Variants in ARHGEF10L observed in about 807,000 individuals in gnomAD.
ARHGEF10L encodes rho guanine nucleotide exchange factor 10-like protein.
A neutral mutation model predicts 141.2 loss-of-function variants in ARHGEF10L; 69 were observed. The ratio of observed to expected loss-of-function variants is 0.49; its 90% confidence interval spans 0.40 to 0.60. The LOEUF is 0.60. ARHGEF10L is among the 20% of genes least tolerant of loss of function. The pLI is 0.00. For synonymous variants in ARHGEF10L, 711 were observed against 718.5 expected (o/e 0.99, Z 0.17); for missense variants, 1,482 against 1,734.3 (o/e 0.85, Z 2.58).
intron 1 of ARHGEF10L, among the ~76,000 whole-genome samples, chr1:17,575,249 A>C (rs2078174347): frequency 6.6e-6 from 1 of 152,188 alleles, no homozygotes; most frequent in Non-Finnish European, 1.5e-5. Flanking sequence ...TGCTCTTTGA[A>C]AACAGCCTGT....
intron 26 of ARHGEF10L, among the ~76,000 whole-genome samples, chr1:17,666,809 C>G (rs2063010118): frequency 6.8e-6 from 1 of 147,486 alleles, no homozygotes. Context: ...CACCCCACCC[C>G]CTCCCTTCCC....
At chr1:17,631,163 G>C (rs1345858959) in intron 15 of ARHGEF10L, among the ~76,000 whole-genome samples, 1 of 152,144 alleles carries the variant, frequency 6.6e-6, no homozygotes, top group Non-Finnish European at 1.5e-5. Flanking sequence ...GGCTCGGGGT[G>C]ATCTGTCCTT....
chr1:17,632,395 G>C lies in ARHGEF10L; in HGVS notation c.1659G>C (p.Gln553His), dbSNP rs1430794884. 1 of 1,614,090 alleles carries C rather than the reference G, an allele frequency of 6.2e-7. No homozygotes were observed. Among genetic ancestry groups the C allele is most frequent in the Non-Finnish European group, 8.5e-7 (1 of 1,180,054 alleles). ...AGACCGTGTACGGTGACCGCGGGCA[G>C]CTAATTAAGTCCAAGGAGCGTCGGG... ...LTETVYGDRGQLIKSKERRVF... is the reference protein window; with the variant it reads ...LTETVYGDRGHLIKSKERRVF... The change falls in exon 16 of 29, where the codon CAG becomes CAC. Residue 553 changes from glutamine (Q) to histidine (H), a missense_variant. Gln to His is a conservative substitution (Grantham distance 24). Coordinates refer to ENST00000361221, the MANE Select transcript of ARHGEF10L (RefSeq NM_018125.4).
At chr1:17,556,120 G>T (rs1343362183) in intron 1 of ARHGEF10L, among the ~76,000 whole-genome samples, 1 of 89,762 alleles carries the variant, frequency 1.1e-5, no homozygotes, top group East Asian at 4.4e-4. Flanking sequence ...CATGGGGGGG[G>T]CCTGGAAACA....
intron 4 of ARHGEF10L, among the ~76,000 whole-genome samples, chr1:17,596,530 G>A (rs1570741668): frequency 6.6e-6 from 1 of 152,226 alleles, no homozygotes; most frequent in Non-Finnish European, 1.5e-5. Context: ...TATTTGTTAT[G>A]CCTTGTCCTG....
At chr1:17,645,130 C>A (rs1321286449) in intron 21 of ARHGEF10L, among the ~76,000 whole-genome samples, 1 of 152,090 alleles carries the variant, frequency 6.6e-6, no homozygotes, top group Non-Finnish European at 1.5e-5. Context: ...GAGCTGGGTG[C>A]TAAATAAGCC....
chr1:17,564,540 C>T (rs373829032), intron 1 of ARHGEF10L, among the ~76,000 whole-genome samples: 3 of 152,280 alleles, frequency 2.0e-5, no homozygotes, highest in South Asian at 2.1e-4. Flanking sequence ...GTGGCTGGCT[C>T]GTGGCTGAGG....
rs990395392 is a variant in ARHGEF10L at position 17,627,615 on chromosome 1, G to A, written c.1584+112G>A. ...TAGGTGGCAGTGTTCTCTGAGGGAG[G>A]GGAGGCCTTGCTCTTCCAAGGATGT... On this transcript the variant is annotated intron_variant, in intron 15 of 28. Transcript: ENST00000361221. This position sits in a 1 kb window ranked among gnomAD's most constrained non-coding sequence, Gnocchi z 4.0. 6.0e-6 allele frequency: 8 copies of A among 1,334,342 alleles called. No individual in the cohort carries two copies. In the South Asian group the frequency reaches 1.0e-4, roughly 17 times the overall value. 82.7% of individuals were successfully genotyped at this position (1,334,342 alleles called of 1,614,324 possible). A position where few individuals can be genotyped will look rare whatever the true frequency, so the allele number is the denominator to read the frequency against.
At chr1:17,636,126 G>A (rs2060986376) in intron 18 of ARHGEF10L, among the ~76,000 whole-genome samples, 1 of 152,104 alleles carries the variant, frequency 6.6e-6, no homozygotes, top group East Asian at 1.9e-4. Context: ...CCTCCCCGCC[G>A]CTTGGGGCAC....
chr1:17,569,682 G>A (rs1403286531), intron 1 of ARHGEF10L, among the ~76,000 whole-genome samples: 1 of 152,162 alleles, frequency 6.6e-6, no homozygotes, highest in East Asian at 1.9e-4. Flanking sequence ...GGACACCGGT[G>A]CCCAGCCTTG....
intron 1 of ARHGEF10L, among the ~76,000 whole-genome samples, chr1:17,576,803 G>A (rs6702679): frequency 0.29 from 44,530 of 152,078 alleles, 8,404 homozygotes; most frequent in African/African-American, 0.53. Context: ...TGCTGCTGTG[G>A]CAAGTGGCAG....
intron 26 of ARHGEF10L, among the ~76,000 whole-genome samples, chr1:17,684,315 A>G (rs1029831551): frequency 2.0e-5 from 3 of 152,256 alleles, no homozygotes; most frequent in Non-Finnish European, 4.4e-5. Context: ...CATACATCGC[A>G]GGAAGAGAGA....
intron 1 of ARHGEF10L, among the ~76,000 whole-genome samples, chr1:17,572,477 A>T (rs111740349): frequency 7.6e-4 from 115 of 152,100 alleles, no homozygotes; most frequent in African/African-American, 2.6e-3. Flanking sequence ...TCCTCATCTG[A>T]ACTGGAGAGA....
In ARHGEF10L at chr1:17,619,329, G is replaced by T; in HGVS notation, c.836-10G>T. On this transcript the variant is annotated splice_polypyrimidine_tract_variant and intron_variant, in intron 9 of 28. Transcript: ENST00000361221. This position sits in a 1 kb window ranked among gnomAD's most constrained non-coding sequence, Gnocchi z 5.0. The stretch of plus-strand genomic sequence containing the variant: ...CCTTAGCTGTGTCATCGGCCCATCT[G>T]ACTTTCCAGGTGACTCGGAGGAGGA... 1.2e-6 allele frequency: 2 copies of T among 1,612,708 alleles called. No individual in the cohort carries two copies. The highest frequency in any genetic ancestry group is 1.7e-6 in the Non-Finnish European group (2 of 1,179,552).
chr1:17,592,167 C>T (rs1444509780), intron 4 of ARHGEF10L, among the ~76,000 whole-genome samples: 1 of 152,216 alleles, frequency 6.6e-6, no homozygotes, highest in African/African-American at 2.4e-5. Flanking sequence ...CCACAGATCG[C>T]TGGCTTCCTG....
At position 17,683,312 on chromosome 1, in the gene ARHGEF10L, CGGGTGCTCACTGCCCCCTGCTCTCACCG is replaced by C. The variant is rs1287275613; in HGVS notation, c.3010-4190_3010-4163del. On this transcript the variant is annotated intron_variant, in intron 26 of 28. Coordinates refer to ENST00000361221, the MANE Select transcript of ARHGEF10L (RefSeq NM_018125.4). ...GTGCTCACTGCCCCCTGCTCTCACC[CGGGTGCTCACTGCCCCCTGCTCTCACCG>C]GGGTGCTCACTGCCCCCTGCTCTCA... Among the ~76,000 whole-genome samples, 573 of 92,776 alleles carry C rather than the reference CGGGTGCTCACTGCCCCCTGCTCTCACCG, an allele frequency of 6.2e-3. 46 individuals are homozygous for C. The highest frequency in any genetic ancestry group is 0.035 in the Middle Eastern group (5 of 142). 60.9% of individuals were successfully genotyped at this position (92,776 alleles called of 152,430 possible). A position where few individuals can be genotyped will look rare whatever the true frequency, so the allele number is the denominator to read the frequency against.
intron 15 of ARHGEF10L, among the ~76,000 whole-genome samples, chr1:17,630,502 C>T (rs1332435411): frequency 6.6e-6 from 1 of 152,198 alleles, no homozygotes; most frequent in Non-Finnish European, 1.5e-5. Context: ...CGGAGCCTGG[C>T]CTTAGCAGCT....
chr1:17,640,230 G>T lies in ARHGEF10L; in HGVS notation c.2200G>T (p.Val734Phe). 3 of 1,613,034 alleles carry T rather than the reference G, an allele frequency of 1.9e-6. No homozygotes were observed. The highest frequency in any genetic ancestry group is 2.5e-6 in the Non-Finnish European group (3 of 1,179,602). The change falls in exon 21 of 29, where the codon GTT becomes TTT. Residue 734 changes from valine (V) to phenylalanine (F), a missense_variant. Val to Phe is a conservative substitution (Grantham distance 50). This residue lies in a region of ARHGEF10L where 858 missense variants were observed against 966.3 expected (regional missense o/e 0.89). Coordinates refer to ENST00000361221, the MANE Select transcript of ARHGEF10L (RefSeq NM_018125.4). ...KSGRPISFMV[V>F]FITPNPLSKI... ...CGGCCGCCCCATTAGCTTCATGGTG[G>T]TTTTCATCACCCCCAACCCCCTGAG...
chr1:17,588,325 C>CG, intron 3 of ARHGEF10L, 121 bp from the exon 4 acceptor site: 1 of 1,096,880 alleles, frequency 9.1e-7, no homozygotes, highest in African/African-American at 1.6e-5. Context: ...CAGCAGGCAC[C>CG]CAGACTGGCC....
Sources: allele counts gnomAD v4.1 joint callset (sites outside exome capture counted in the v4.1 genomes callset), GRCh38; gene constraint gnomAD v4.1.1; regional missense constraint gnomAD v4.1.1; non-coding constraint Gnocchi (gnomAD v3.1); transcripts MANE v1.5; gene names NCBI Gene and HGNC (gene_info 2026-07-23, HGNC 2026-07-21).